ST6GAL2: variants seen among roughly 807,000 people sequenced by gnomAD.
ST6GAL2 encodes ST6 beta-galactoside alpha-2,6-sialyltransferase 2, also known as beta-galactoside alpha-2,6-sialyltransferase 2.
ST6GAL2 carries 24 observed loss-of-function variants against 37.5 expected under a neutral mutation model. The observed-to-expected ratio is 0.64, with a 90% CI of 0.46 to 0.90. ST6GAL2 has a LOEUF of 0.90. Ranked by LOEUF, ST6GAL2 falls within the 40% of genes least tolerant of loss-of-function variation. The pLI is 0.00. For missense variants in ST6GAL2, 715 were observed against 712.7 expected, an observed-to-expected ratio of 1.00 and a Z score of -0.04; for synonymous variants, 306 against 295.1, an observed-to-expected ratio of 1.04 and a Z score of -0.38.
chr2:106,849,256 G>C (rs921026932), intron 1 of ST6GAL2, among the ~76,000 whole-genome samples: 1 of 151,982 alleles, frequency 6.6e-6, no homozygotes, highest in African/African-American at 2.4e-5. Context: ...CCCCCTCATG[G>C]CCAGATGGAC....
chr2:106,852,676 C>T (rs1461211451), intron 1 of ST6GAL2, among the ~76,000 whole-genome samples: 1 of 152,108 alleles, frequency 6.6e-6, no homozygotes, highest in African/African-American at 2.4e-5. Context: ...TTGGTTGGTT[C>T]AGGAGGGGAA....
intron 5 of ST6GAL2, among the ~76,000 whole-genome samples, chr2:106,818,010 G>A (rs1277329001): frequency 1.3e-5 from 2 of 148,186 alleles, no homozygotes; most frequent in African/African-American, 2.5e-5. Context: ...AAGAACAGTG[G>A]GGAGGACTCT....
intron 1 of ST6GAL2, among the ~76,000 whole-genome samples, chr2:106,851,188 T>C (rs1677345967): frequency 6.6e-6 from 1 of 152,246 alleles, no homozygotes; most frequent in African/African-American, 2.4e-5. Flanking sequence ...CTTTTTTCTA[T>C]TTCCATTCTT....
chr2:106,874,804 T>C (rs1286727784), intron 1 of ST6GAL2, among the ~76,000 whole-genome samples: 1 of 152,190 alleles, frequency 6.6e-6, no homozygotes, highest in Admixed American at 6.5e-5. Flanking sequence ...AAACACATAT[T>C]TTCAAGCCAC....
intron 1 of ST6GAL2, among the ~76,000 whole-genome samples, chr2:106,872,631 T>C (rs1678318891): frequency 6.6e-6 from 1 of 152,014 alleles, no homozygotes; most frequent in Non-Finnish European, 1.5e-5. Context: ...TATTTTGAGA[T>C]GGAGTTTCGC....
At chr2:106,820,470 C>G (rs1278846445) in intron 5 of ST6GAL2, among the ~76,000 whole-genome samples, 1 of 152,016 alleles carries the variant, frequency 6.6e-6, no homozygotes, top group Non-Finnish European at 1.5e-5. Context: ...CTGGAGAACT[C>G]AGATCCATAA....
intron 1 of ST6GAL2, among the ~76,000 whole-genome samples, chr2:106,881,969 T>G (rs57224735): frequency 1.3e-5 from 2 of 152,228 alleles, no homozygotes; most frequent in Non-Finnish European, 2.9e-5. Flanking sequence ...TTTTCTTGAA[T>G]CTTAGCCTAA....
chr2:106,844,336 G>T (rs72949054), intron 1 of ST6GAL2, among the ~76,000 whole-genome samples: 1 of 151,826 alleles, frequency 6.6e-6, no homozygotes, highest in Admixed American at 6.6e-5. Context: ...TCAGGGACAC[G>T]TCTGCCTTCC....
chr2:106,832,402 A>G (rs533113099), intron 4 of ST6GAL2, among the ~76,000 whole-genome samples, 163 bp downstream of exon 4: 1 of 152,354 alleles, frequency 6.6e-6, no homozygotes, highest in South Asian at 2.1e-4. Context: ...CAAGTGTGCT[A>G]TTGTAACTGG....
At chr2:106,870,913 G>T (rs1485424046) in intron 1 of ST6GAL2, among the ~76,000 whole-genome samples, 4 of 152,172 alleles carry the variant, frequency 2.6e-5, no homozygotes, top group Non-Finnish European at 5.9e-5. Context: ...TAAGCAAAGT[G>T]AAAGAATTTT....
intron 5 of ST6GAL2, among the ~76,000 whole-genome samples, chr2:106,808,955 C>T (rs755992081): frequency 5.3e-5 from 8 of 152,088 alleles, no homozygotes; most frequent in Non-Finnish European, 2.9e-5. Context: ...TGCAGTGAGC[C>T]AAGATTGCAC....
chr2:106,828,080 C>T (rs937747250), intron 5 of ST6GAL2, among the ~76,000 whole-genome samples: 1 of 152,140 alleles, frequency 6.6e-6, no homozygotes, highest in Non-Finnish European at 1.5e-5. Context: ...AGGAAGCTGG[C>T]TATATATGGC....
intron 1 of ST6GAL2, among the ~76,000 whole-genome samples, chr2:106,876,259 C>T (rs1341044587): frequency 1.3e-5 from 2 of 152,078 alleles, no homozygotes; most frequent in African/African-American, 2.4e-5. Flanking sequence ...GCTTGTACTA[C>T]ATTTTAAAAT....
At chr2:106,840,910 C>A (rs1418709936) in intron 2 of ST6GAL2, among the ~76,000 whole-genome samples, 1 of 152,162 alleles carries the variant, frequency 6.6e-6, no homozygotes, top group Admixed American at 6.6e-5. Context: ...TACTTAAATT[C>A]CTTCTCCACA....
intron 3 of ST6GAL2, 149 bp from the exon 4 acceptor site, chr2:106,832,815 C>T (rs1477400612): frequency 8.9e-6 from 6 of 670,724 alleles, no homozygotes; most frequent in Middle Eastern, 2.9e-4. Context: ...GAGAGGCAGG[C>T]GTTGCATGCA....
Position 106,806,026 on chromosome 2 carries a change from G to C in ST6GAL2, c.*652C>G, listed in dbSNP as rs1464705477. On this transcript the variant is annotated 3_prime_UTR_variant, in exon 6 of 6. Transcript: ENST00000409382. Reference sequence around the variant, plus strand: ...CTATATGGAATTTGGCTTTTTCTTGGACCTTTCAAGATGGATGTTTTCTGG... The same window carrying C: ...CTATATGGAATTTGGCTTTTTCTTGCACCTTTCAAGATGGATGTTTTCTGG... 1 of 152,256 alleles carries C rather than the reference G, an allele frequency of 6.6e-6. No individual in the cohort carries two copies. The highest frequency in any genetic ancestry group is 1.5e-5 in the Non-Finnish European group (1 of 68,188). 9.4% of individuals were successfully genotyped at this position (152,256 alleles called of 1,614,324 possible).
At chr2:106,815,104 G>A (rs1044464789) in intron 5 of ST6GAL2, among the ~76,000 whole-genome samples, 7 of 152,206 alleles carry the variant, frequency 4.6e-5, no homozygotes, top group African/African-American at 1.7e-4. Flanking sequence ...TAGAGAAGGA[G>A]ATAGTACATG....
intron 5 of ST6GAL2, among the ~76,000 whole-genome samples, chr2:106,809,182 G>A (rs938657797): frequency 4.6e-5 from 7 of 152,234 alleles, no homozygotes; most frequent in Non-Finnish European, 7.3e-5. Context: ...CAGCATTGGG[G>A]GCTCCCCATC....
chr2:106,843,257 T>G lies in ST6GAL2; in HGVS notation c.721A>C (p.Lys241Gln), dbSNP rs777878110. ...GCCCTGCTCAGCCCGGCCTCCCGCT[T>G]CCCGCGGAAGCGCACCCCGTGCTTG... ...ANKHGVRFRG[K>Q]REAGLSRAQL... The change falls in exon 2 of 6, where the codon AAG becomes CAG. Residue 241 changes from lysine to glutamine, a missense_variant. By Grantham distance (53) the Lys-to-Gln change is moderately conservative. Around this residue, in one of 3 missense-constraint regions of ST6GAL2, gnomAD observed 512 missense variants for 488.8 expected, o/e 1.05. Coordinates refer to ENST00000409382, the MANE Select transcript of ST6GAL2 (RefSeq NM_001142351.2). 20 of 1,598,316 alleles carry G rather than the reference T, an allele frequency of 1.3e-5. No homozygotes were observed. The South Asian group carries it at 2.1e-4, about 17-fold the overall frequency.
Sources: gnomAD v4.1 joint callset for allele counts (sites outside exome capture counted in the v4.1 genomes callset) on GRCh38, gnomAD v4.1.1 for gene constraint, gnomAD v4.1.1 regional missense constraint, MANE v1.5 for transcripts, NCBI Gene and HGNC (gene_info 2026-07-23, HGNC 2026-07-21) for gene names.